MYO5B: variants seen among roughly 807,000 people sequenced by gnomAD.
The protein encoded by MYO5B is unconventional myosin-Vb.
A neutral mutation model predicts 229.3 loss-of-function variants in MYO5B; 143 were observed. That is an observed-to-expected ratio of 0.62 (90% CI 0.54 to 0.72). MYO5B has a LOEUF of 0.72. Ranked by LOEUF, MYO5B falls within the 30% of genes least tolerant of loss-of-function variation. The pLI is 0.00. For missense variants in MYO5B, 2,321 were observed against 2,331.0 expected (o/e 1.00, Z 0.09); for synonymous variants, 918 against 885.2 (o/e 1.04, Z -0.66).
At chr18:49,974,754 C>T in intron 9 of MYO5B, 139 bp from the exon 10 acceptor site, 1 of 842,904 alleles carries the variant, frequency 1.2e-6, no homozygotes, top group South Asian at 1.6e-5. Context: ...CAGCACATGC[C>T]CTGCTGCCAG....
At chr18:49,830,160 C>CACACACACACAA (rs1555792653) in intron 39 of MYO5B, among the ~76,000 whole-genome samples, 4 of 99,606 alleles carry the variant, frequency 4.0e-5, no homozygotes, top group Middle Eastern at 4.3e-3. Context: ...CACACACACA[C>CACACACACACAA]ACACACACAC....
chr18:50,084,204 T>C (rs1055400500), intron 1 of MYO5B, among the ~76,000 whole-genome samples: 1 of 152,234 alleles, frequency 6.6e-6, no homozygotes, highest in Admixed American at 6.5e-5. Context: ...TAACCCTTTA[T>C]TCAGGATGAA....
chr18:49,841,508 G>C (rs1471744327), intron 34 of MYO5B, 54 bp from the exon 35 acceptor site: 11 of 1,464,380 alleles, frequency 7.5e-6, no homozygotes, highest in South Asian at 3.4e-5. Flanking sequence ...CTGGTGAAAT[G>C]CTTCCTCGGT....
chr18:50,072,113 T>C (rs769496867), intron 1 of MYO5B, among the ~76,000 whole-genome samples: 9 of 152,272 alleles, frequency 5.9e-5, no homozygotes, highest in Non-Finnish European at 1.0e-4. Context: ...TCCATGGACT[T>C]CAGAAAACAC....
In MYO5B at chr18:50,159,012, C is replaced by G. The variant is rs565307555; in HGVS notation, c.27+35755G>C. Among the ~76,000 whole-genome samples, 34 of 152,300 alleles carry G rather than the reference C, an allele frequency of 2.2e-4. 1 individual carries two copies. The South Asian group carries it at 7.1e-3, about 32-fold the overall frequency. ...CAGGCTGCACAAAGCCCTGCAAATT[C>G]TACAGCTCCTTTCATGCATGAAGAC... On this transcript the variant is annotated intron_variant, in intron 1 of 39. Transcript: ENST00000285039.
intron 1 of MYO5B, among the ~76,000 whole-genome samples, chr18:50,152,198 C>CA (rs1041432845): frequency 1.3e-5 from 2 of 152,184 alleles, no homozygotes; most frequent in African/African-American, 4.8e-5. Flanking sequence ...GTGCCTCCCC[C>CA]ACCCCGTGTT....
chr18:49,974,779 T>TCACACACACACAGACACACACACACA (rs1555648455), intron 9 of MYO5B, among the ~76,000 whole-genome samples, 164 bp from the exon 10 acceptor site: 8 of 117,046 alleles, frequency 6.8e-5, no homozygotes, highest in African/African-American at 3.0e-4. Context: ...GCAGTCTCTC[T>TCACACACACACAGACACACACACACA]CACACACACA....
At chr18:49,938,367 G>A (rs1229695785) in intron 14 of MYO5B, among the ~76,000 whole-genome samples, 1 of 152,074 alleles carries the variant, frequency 6.6e-6, no homozygotes, top group East Asian at 1.9e-4. Flanking sequence ...ACACAGTCCT[G>A]TCATCATCCC....
intron 1 of MYO5B, among the ~76,000 whole-genome samples, chr18:50,150,611 T>A (rs902522582): frequency 4.6e-5 from 7 of 151,972 alleles, no homozygotes; most frequent in Non-Finnish European, 8.8e-5. Context: ...CATATTCTCA[T>A]TCATAGGTGG....
At chr18:50,172,513 C>T (rs2144334940) in intron 1 of MYO5B, among the ~76,000 whole-genome samples, 1 of 152,308 alleles carries the variant, frequency 6.6e-6, no homozygotes, top group African/African-American at 2.4e-5. Flanking sequence ...GCAAGACTCT[C>T]ATGCAGTGGG....
At chr18:50,066,060 T>G (rs1369728532) in intron 1 of MYO5B, among the ~76,000 whole-genome samples, 1 of 152,112 alleles carries the variant, frequency 6.6e-6, no homozygotes, top group Non-Finnish European at 1.5e-5. Context: ...ATTACAGATT[T>G]TTTTGAAGTA....
intron 1 of MYO5B, among the ~76,000 whole-genome samples, chr18:50,058,752 A>G (rs1335069179): frequency 6.6e-6 from 1 of 152,160 alleles, no homozygotes; most frequent in Non-Finnish European, 1.5e-5. Context: ...CGGAGGTTGC[A>G]GTGAGCAGAG....
chr18:50,074,706 T>A (rs1344049697), intron 1 of MYO5B, among the ~76,000 whole-genome samples: 1 of 152,166 alleles, frequency 6.6e-6, no homozygotes, highest in Non-Finnish European at 1.5e-5. Flanking sequence ...GTTAATCACT[T>A]TCCACCATCC....
intron 6 of MYO5B, 70 bp downstream of exon 6, chr18:49,992,218 G>A: frequency 6.3e-7 from 1 of 1,594,224 alleles, no homozygotes; most frequent in South Asian, 1.1e-5. Context: ...TCCAGGGAGT[G>A]GGGCAGGGAG....
At chr18:49,909,827 AG>A (rs1304671980) in intron 18 of MYO5B, among the ~76,000 whole-genome samples, 4 of 152,246 alleles carry the variant, frequency 2.6e-5, no homozygotes, top group Non-Finnish European at 4.4e-5. Flanking sequence ...AAAGCATTGC[AG>A]GCAGAGGAAA....
At chr18:50,140,555 T>C (rs73430362) in intron 1 of MYO5B, among the ~76,000 whole-genome samples, 3,737 of 152,318 alleles carry the variant, frequency 0.025, 133 homozygotes, top group African/African-American at 0.085. Flanking sequence ...TCCAAGCCCA[T>C]AGAAAAACAT....
chr18:50,105,208 T>TAAATAAATAAATAA (rs1459665469), intron 1 of MYO5B, among the ~76,000 whole-genome samples: 1 of 25,734 alleles, frequency 3.9e-5, no homozygotes, highest in African/African-American at 1.3e-4. Context: ...ATGGTAAAAA[T>TAAATAAATAAATAA]AAATAAATAA....
At chr18:50,071,262 C>G (rs1403214108) in intron 1 of MYO5B, among the ~76,000 whole-genome samples, 2 of 152,198 alleles carry the variant, frequency 1.3e-5, no homozygotes, top group Non-Finnish European at 2.9e-5. Flanking sequence ...CTCCCTTTGT[C>G]AAGACTGTTT....
intron 18 of MYO5B, among the ~76,000 whole-genome samples, chr18:49,910,330 G>A (rs185710672): frequency 2.9e-4 from 44 of 152,304 alleles, no homozygotes; most frequent in South Asian, 1.9e-3. Context: ...GAAATCCAGC[G>A]AAGGAACAGA....
Sources: gnomAD v4.1 joint callset for allele counts (sites outside exome capture counted in the v4.1 genomes callset) on GRCh38, gnomAD v4.1.1 for gene constraint, MANE v1.5 for transcripts, NCBI Gene and HGNC (gene_info 2026-07-23, HGNC 2026-07-21) for gene names.